Variants in ITGB1 observed in about 807,000 individuals in gnomAD.
The protein encoded by ITGB1 is integrin subunit beta 1, also known as integrin beta-1.
In ITGB1, 24 loss-of-function variants were observed where a neutral mutation model predicts 86.5. That is an observed-to-expected ratio of 0.28 (90% CI 0.20 to 0.39). The LOEUF (loss-of-function observed/expected upper bound fraction) is 0.39. ITGB1 is among the 10% of genes least tolerant of loss of function. The pLI, the probability that ITGB1 is intolerant of heterozygous loss-of-function variation, is 1.00. For synonymous variants in ITGB1, 323 were observed against 316.8 expected (o/e 1.02, Z -0.21); for missense variants, 556 against 946.9 (o/e 0.59, Z 5.42).
intron 4 of ITGB1, among the ~76,000 whole-genome samples, chr10:32,928,480 A>C (rs1320793403): frequency 1.3e-5 from 2 of 152,212 alleles, no homozygotes; most frequent in Admixed American, 1.3e-4. Context: ...CAGGATGCAA[A>C]GATAAAAAAG....
At chr10:32,913,799 T>G (rs535928380) in intron 11 of ITGB1, among the ~76,000 whole-genome samples, 66 of 152,192 alleles carry the variant, frequency 4.3e-4, no homozygotes, top group African/African-American at 1.5e-3. Flanking sequence ...ACATTCAAAT[T>G]CAGGAAATAC....
At chr10:32,957,303 G>A (rs922123190) in intron 1 of ITGB1, among the ~76,000 whole-genome samples, 1 of 152,186 alleles carries the variant, frequency 6.6e-6, no homozygotes, top group Non-Finnish European at 1.5e-5. Context: ...TTAGAGAGTA[G>A]GAGTCTCATA....
chr10:32,928,220 A>G lies in ITGB1; in HGVS notation c.421T>C (p.Tyr141His), dbSNP rs761435967. The G allele has an allele frequency of 4.3e-6, 4 of 937,564 alleles. No individual in the cohort carries two copies. Among genetic ancestry groups the G allele is most frequent in the African/African-American group, 1.6e-5 (1 of 62,406 alleles). 58.1% of individuals were successfully genotyped at this position (937,564 alleles called of 1,614,324 possible). A position where few individuals can be genotyped will look rare whatever the true frequency, so the allele number is the denominator to read the frequency against. Residue 141 changes from tyrosine (Y) to histidine (H), a missense_variant, in exon 5 of 16, where the codon TAT (tyrosine) becomes CAT (histidine). Physicochemically the swap from Tyr to His is moderately conservative, Grantham distance 83 (BLOSUM62 2). This residue lies in a region of ITGB1 where 183 missense variants were observed against 263.9 expected (regional missense o/e 0.69). Transcript: ENST00000302278. The stretch of plus-strand genomic sequence containing the variant: ...ATAAGGTAGTAGAGGTCAATGGGAT[A>G]GTCTTCAGCTCTCTTGAATTTTAAT... ...FTLKFKRAED[Y>H]PIDLYYLMDL...
chr10:32,956,653 A>G (rs2095052897), intron 1 of ITGB1, among the ~76,000 whole-genome samples: 1 of 152,164 alleles, frequency 6.6e-6, no homozygotes, highest in Admixed American at 6.5e-5. Context: ...GGCTGCAGTG[A>G]GCTGTGATGG....
At chr10:32,947,911 G>T (rs966415212) in intron 1 of ITGB1, among the ~76,000 whole-genome samples, 4 of 152,102 alleles carry the variant, frequency 2.6e-5, no homozygotes, top group African/African-American at 7.2e-5. Context: ...CTGGCCAATT[G>T]TAAGTACCTG....
chr10:32,930,554 C>T (rs866273587), intron 3 of ITGB1, among the ~76,000 whole-genome samples: 9 of 151,940 alleles, frequency 5.9e-5, no homozygotes, highest in African/African-American at 9.7e-5. Flanking sequence ...AAGGACAACA[C>T]GAAATTTAGC....
chr10:32,932,861 G>T, intron 2 of ITGB1: 1 of 285,762 alleles, frequency 3.5e-6, no homozygotes, highest in Non-Finnish European at 6.7e-6. Context: ...GTCATATAAT[G>T]GTAAATGGGG....
intron 15 of ITGB1, among the ~76,000 whole-genome samples, chr10:32,904,894 T>C (rs147439142): frequency 2.0e-5 from 3 of 152,326 alleles, no homozygotes; most frequent in Middle Eastern, 6.8e-3. Context: ...CATTTACTGA[T>C]AATTTCCTTC....
intron 5 of ITGB1, 134 bp downstream of exon 5, chr10:32,927,960 T>C (rs1378779862): frequency 1.8e-6 from 1 of 559,836 alleles, no homozygotes; most frequent in Non-Finnish European, 3.1e-6. Flanking sequence ...CAACTTCCAC[T>C]CAGAAAAGGC....
intron 1 of ITGB1, among the ~76,000 whole-genome samples, chr10:32,957,057 A>T (rs2095053796): frequency 6.6e-6 from 1 of 152,192 alleles, no homozygotes. Context: ...ATGGGAATCG[A>T]AACAGTACCA....
At chr10:32,920,202 A>T (rs1008839055) in intron 10 of ITGB1, 43 bp downstream of exon 10, 1 of 1,590,810 alleles carries the variant, frequency 6.3e-7, no homozygotes, top group Admixed American at 1.7e-5. Flanking sequence ...ATTTGCTTAT[A>T]AATAACCAAT....
intron 5 of ITGB1, among the ~76,000 whole-genome samples, chr10:32,927,136 A>C (rs539118217): frequency 1.2e-4 from 18 of 152,326 alleles, no homozygotes; most frequent in Admixed American, 1.0e-3. Flanking sequence ...ATTTGATAGG[A>C]GCTCCCTAAT....
Position 32,910,180 on chromosome 10 carries a change from A to T in ITGB1, c.2164+43T>A. 2.1e-6 allele frequency: 3 copies of T among 1,431,928 alleles called. No homozygotes were observed. The East Asian group carries it at 6.8e-5, about 33-fold the overall frequency. 88.7% of individuals were successfully genotyped at this position (1,431,928 alleles called of 1,614,324 possible). The stretch of plus-strand genomic sequence containing the variant: ...AGGCCTAAATAAGCAGAAACAAGAC[A>T]TACAAGATATGAAAAGAATGTCTGC... On this transcript the variant is annotated intron_variant, in intron 14 of 15. Transcript: ENST00000302278.
At chr10:32,902,826 TG>T (rs1216201936) in intron 15 of ITGB1, among the ~76,000 whole-genome samples, 3 of 152,124 alleles carry the variant, frequency 2.0e-5, no homozygotes, top group African/African-American at 7.2e-5. Flanking sequence ...TATAGTTTGG[TG>T]GGTGAGAGAC....
intron 1 of ITGB1, among the ~76,000 whole-genome samples, chr10:32,950,957 A>G (rs1326539156): frequency 2.0e-5 from 3 of 152,174 alleles, no homozygotes; most frequent in African/African-American, 7.2e-5. Flanking sequence ...GATTTTTATC[A>G]CCACCCAATC....
intron 1 of ITGB1, among the ~76,000 whole-genome samples, chr10:32,937,554 C>CAAAAAAAAAAAAAAA (rs56280552): frequency 1.1e-5 from 1 of 91,912 alleles, no homozygotes; most frequent in Non-Finnish European, 2.0e-5. Flanking sequence ...GACTCCGTCT[C>CAAAAAAAAAAAAAAA]AAAAAAAAAA....
At chr10:32,908,173 GTT>G (rs2094902281) in intron 15 of ITGB1, among the ~76,000 whole-genome samples, 193 bp downstream of exon 15, 2 of 151,794 alleles carry the variant, frequency 1.3e-5, no homozygotes, top group Admixed American at 1.3e-4. Context: ...TATAATCAAT[GTT>G]TTGTTTCAAT....
intron 15 of ITGB1, among the ~76,000 whole-genome samples, chr10:32,905,379 AACAACAGC>A (rs2094893223): frequency 6.6e-6 from 1 of 152,188 alleles, no homozygotes; most frequent in Admixed American, 6.5e-5. Flanking sequence ...CAAAAAACAC[AACAACAGC>A]ACTGGGTTCC....
At chr10:32,953,323 G>A (rs997193203) in intron 1 of ITGB1, among the ~76,000 whole-genome samples, 6 of 152,158 alleles carry the variant, frequency 3.9e-5, no homozygotes, top group African/African-American at 1.4e-4. Flanking sequence ...GTTCCAATTA[G>A]ACAACAGACT....
Sources: gnomAD v4.1 joint callset for allele counts (sites outside exome capture counted in the v4.1 genomes callset) on GRCh38, gnomAD v4.1.1 for gene constraint, gnomAD v4.1.1 regional missense constraint, MANE v1.5 for transcripts, NCBI Gene and HGNC (gene_info 2026-07-23, HGNC 2026-07-21) for gene names.